The following ARHGAP26 variants were observed in gnomAD, a reference collection of about 807,000 sequenced individuals.
ARHGAP26 encodes Rho GTPase activating protein 26.
In ARHGAP26, 38 loss-of-function variants were observed where a neutral mutation model predicts 104.8. The observed-to-expected ratio is 0.36, with a 90% CI of 0.28 to 0.48. The LOEUF is 0.48. Among genes scored for constraint, ARHGAP26 ranks in the 20% least tolerant of loss-of-function variants. The pLI is 0.99. For synonymous variants in ARHGAP26, 341 were observed against 340.0 expected (o/e 1.00, Z -0.03); for missense variants, 704 against 947.9 (o/e 0.74, Z 3.38).
intron 1 of ARHGAP26, among the ~76,000 whole-genome samples, chr5:142,792,505 G>A (rs537027004): frequency 3.3e-5 from 5 of 152,248 alleles, no homozygotes; most frequent in South Asian, 2.1e-4. Flanking sequence ...CCTGTTTGGC[G>A]ACATCTAAGC....
At chr5:143,135,644 C>T (rs1011541421) in intron 19 of ARHGAP26, among the ~76,000 whole-genome samples, 1 of 152,152 alleles carries the variant, frequency 6.6e-6, no homozygotes, top group Admixed American at 6.5e-5. Flanking sequence ...TGTGGCTGTA[C>T]CTTGGTATAT....
intron 13 of ARHGAP26, among the ~76,000 whole-genome samples, chr5:143,040,565 A>C (rs1403357736): frequency 1.3e-5 from 2 of 151,416 alleles, no homozygotes; most frequent in Non-Finnish European, 2.9e-5. Flanking sequence ...AACAGAAAAA[A>C]CAAGTAAATA....
chr5:143,128,687 G>C (rs111406086), intron 18 of ARHGAP26, among the ~76,000 whole-genome samples: 2 of 152,308 alleles, frequency 1.3e-5, no homozygotes, highest in African/African-American at 4.8e-5. Context: ...GAAGGAGTGA[G>C]CTGTGCTCAA....
intron 6 of ARHGAP26, 66 bp from the exon 7 acceptor site, chr5:142,901,869 A>G: frequency 3.0e-6 from 4 of 1,320,312 alleles, no homozygotes; most frequent in Non-Finnish European, 4.3e-6. Context: ...GGGAGCTCAG[A>G]TACAGCTACA....
At chr5:143,054,794 C>A (rs1464659612) in intron 15 of ARHGAP26, among the ~76,000 whole-genome samples, 5 of 152,158 alleles carry the variant, frequency 3.3e-5, no homozygotes, top group Non-Finnish European at 5.9e-5. Flanking sequence ...ATGAACAGAA[C>A]CTAAAATGGG....
intron 11 of ARHGAP26, among the ~76,000 whole-genome samples, chr5:142,943,082 G>A (rs1308074366): frequency 6.6e-6 from 1 of 152,146 alleles, no homozygotes; most frequent in African/African-American, 2.4e-5. Context: ...CACCTGTCCT[G>A]GATTGTGATC....
At chr5:143,100,472 G>T (rs1793057139) in intron 17 of ARHGAP26, among the ~76,000 whole-genome samples, 1 of 152,246 alleles carries the variant, frequency 6.6e-6, no homozygotes, top group East Asian at 1.9e-4. Flanking sequence ...TTTCTTCTCT[G>T]CTGTGAAAGT....
At chr5:143,189,309 A>G (rs1805570501) in intron 20 of ARHGAP26, among the ~76,000 whole-genome samples, 1 of 152,202 alleles carries the variant, frequency 6.6e-6, no homozygotes. Flanking sequence ...TTAACCATAA[A>G]AAAGATGCAC....
At chr5:142,790,557 C>A (rs1759590401) in intron 1 of ARHGAP26, among the ~76,000 whole-genome samples, 1 of 152,140 alleles carries the variant, frequency 6.6e-6, no homozygotes, top group African/African-American at 2.4e-5. Flanking sequence ...CCAGTGGCTT[C>A]CCATGCCATT....
chr5:142,880,191 A>T (rs1029425646), intron 4 of ARHGAP26, among the ~76,000 whole-genome samples: 1 of 152,156 alleles, frequency 6.6e-6, no homozygotes, highest in African/African-American at 2.4e-5. Flanking sequence ...CCTTTTTAAA[A>T]GGTGGATTCT....
intron 8 of ARHGAP26, among the ~76,000 whole-genome samples, chr5:142,906,219 A>C (rs1761084843): frequency 6.6e-6 from 1 of 152,204 alleles, no homozygotes; most frequent in African/African-American, 2.4e-5. Context: ...TTGATCACCC[A>C]GTCAAGGTAT....
intron 1 of ARHGAP26, among the ~76,000 whole-genome samples, chr5:142,841,143 CTTT>C: frequency 1.3e-5 from 2 of 152,184 alleles, no homozygotes; most frequent in African/African-American, 4.8e-5. Context: ...TGCCTGGCTT[CTTT>C]GTATCAGCCT....
chr5:143,187,148 C>G (rs1194570857), intron 20 of ARHGAP26, among the ~76,000 whole-genome samples: 1 of 152,152 alleles, frequency 6.6e-6, no homozygotes, highest in Non-Finnish European at 1.5e-5. Context: ...CCCCATTTTG[C>G]AGGCAAAGAA....
intron 1 of ARHGAP26, among the ~76,000 whole-genome samples, chr5:142,823,925 G>A (rs1169618821): frequency 6.6e-6 from 1 of 152,174 alleles, no homozygotes; most frequent in Admixed American, 6.5e-5. Context: ...CGTCTTATTT[G>A]TAAAACTGAA....
chr5:143,168,030 A>G (rs1173943653), intron 20 of ARHGAP26, among the ~76,000 whole-genome samples: 2 of 152,196 alleles, frequency 1.3e-5, no homozygotes, highest in Admixed American at 1.3e-4. Flanking sequence ...ATTCCTAGGC[A>G]AGAGAGATGA....
chr5:142,998,128 C>T (rs1434931065), intron 11 of ARHGAP26, among the ~76,000 whole-genome samples: 1 of 152,142 alleles, frequency 6.6e-6, no homozygotes, highest in Non-Finnish European at 1.5e-5. Flanking sequence ...AAATGTAACT[C>T]CTGCAAATAA....
chr5:142,995,722 T>C (rs189455108), intron 11 of ARHGAP26, among the ~76,000 whole-genome samples: 60 of 152,344 alleles, frequency 3.9e-4, no homozygotes, highest in African/African-American at 1.3e-3. Context: ...CATATGTTTA[T>C]TGAGGCACTA....
chr5:142,833,941 C>G (rs535148825), intron 1 of ARHGAP26, among the ~76,000 whole-genome samples: 1 of 152,262 alleles, frequency 6.6e-6, no homozygotes, highest in Non-Finnish European at 1.5e-5. Flanking sequence ...TCTTTAGACT[C>G]ATAAGTGGGA....
At chr5:142,912,976 C>T (rs373139809) in intron 9 of ARHGAP26, among the ~76,000 whole-genome samples, 3 of 152,278 alleles carry the variant, frequency 2.0e-5, no homozygotes, top group South Asian at 4.1e-4. Context: ...ATGATCCACC[C>T]GTACTAAAGA....
Sources: gnomAD v4.1 joint callset for allele counts (sites outside exome capture counted in the v4.1 genomes callset) on GRCh38, gnomAD v4.1.1 for gene constraint, MANE v1.5 for transcripts, NCBI Gene and HGNC (gene_info 2026-07-23, HGNC 2026-07-21) for gene names.